The following OGDH variants were observed in gnomAD, a reference collection of about 807,000 sequenced individuals.
The protein encoded by OGDH is 2-oxoglutarate dehydrogenase complex component E1.
OGDH carries 38 observed loss-of-function variants against 116.6 expected under a neutral mutation model. The observed-to-expected ratio is 0.33, with a 90% CI of 0.25 to 0.43. The LOEUF (loss-of-function observed/expected upper bound fraction) is 0.43. Among genes scored for constraint, OGDH ranks in the 20% least tolerant of loss-of-function variants. The probability of loss-of-function intolerance (pLI) is 1.00; values close to 1 mark genes in which losing one functional copy is unlikely to be tolerated. For synonymous variants in OGDH, 488 were observed against 533.3 expected, an observed-to-expected ratio of 0.92 and a Z score of 1.17; for missense variants, 825 against 1,357.2, an observed-to-expected ratio of 0.61 and a Z score of 6.16.
At chr7:44,704,640 C>G (rs1377213528) in intron 20 of OGDH, among the ~76,000 whole-genome samples, 1 of 152,012 alleles carries the variant, frequency 6.6e-6, no homozygotes, top group Non-Finnish European at 1.5e-5. Flanking sequence ...TTCTCCCGTT[C>G]TATGGGTTGT....
At chr7:44,660,938 G>A (rs541981506) in intron 4 of OGDH, among the ~76,000 whole-genome samples, 5 of 150,508 alleles carry the variant, frequency 3.3e-5, no homozygotes, top group African/African-American at 1.0e-4. Context: ...ACACACGCGC[G>A]TGTGCACACA....
intron 2 of OGDH, among the ~76,000 whole-genome samples, chr7:44,644,945 G>C (rs1562635510): frequency 6.6e-6 from 1 of 152,202 alleles, no homozygotes; most frequent in Non-Finnish European, 1.5e-5. Flanking sequence ...GGGCCGGGGG[G>C]AAGGCTGAGA....
chr7:44,639,661 G>A (rs1785840681), intron 2 of OGDH, among the ~76,000 whole-genome samples: 1 of 152,174 alleles, frequency 6.6e-6, no homozygotes, highest in African/African-American at 2.4e-5. Flanking sequence ...TATACCTCCA[G>A]GTCTTGGCGC....
chr7:44,650,730 A>C (rs762073421), intron 4 of OGDH, among the ~76,000 whole-genome samples: 1 of 152,156 alleles, frequency 6.6e-6, no homozygotes, highest in Non-Finnish European at 1.5e-5. Context: ...AGGACTCTGT[A>C]TGGGGGATGT....
intron 4 of OGDH, among the ~76,000 whole-genome samples, chr7:44,656,844 A>G (rs1163125772): frequency 1.3e-5 from 2 of 152,200 alleles, no homozygotes; most frequent in Admixed American, 6.5e-5. Flanking sequence ...TGAAGTATTA[A>G]TAAAAACTTA....
Position 44,707,078 on chromosome 7 carries a change from G to A in OGDH, c.2633-147G>A. 2 of 749,714 alleles carry A rather than the reference G, an allele frequency of 2.7e-6. No individual in the cohort carries two copies. The highest frequency in any genetic ancestry group is 2.8e-5 in the Admixed American group (1 of 35,262). The allele number at this position is 749,714 out of a possible 1,614,324, so 46.4% of individuals were successfully genotyped here. A position where few individuals can be genotyped will look rare whatever the true frequency, so the allele number is the denominator to read the frequency against. ...AGTGTGCCTGGTCTGAGCAAATACA[G>A]GGCATCAGAGGCTGGTGAAGGGGAA... On this transcript the variant is annotated intron_variant, in intron 20 of 22. Transcript: ENST00000222673. The surrounding 1 kb of genome is among the most constrained non-coding windows in gnomAD (Gnocchi z 5.2).
At position 44,670,971 on chromosome 7, in the gene OGDH, A is replaced by G. The variant is rs1787416091; in HGVS notation, c.634-2816A>G. Among the ~76,000 whole-genome samples, 4 of 148,284 alleles carry G rather than the reference A, an allele frequency of 2.7e-5. No individual in the cohort carries two copies. In the South Asian group the frequency reaches 8.6e-4, roughly 32 times the overall value. On this transcript the variant is annotated intron_variant, in intron 5 of 22. Transcript: ENST00000222673. ...GCTTGCAATGAGCCGAGATCGTGCTACTGCACTCCAGCCTGGGCAACAGAG... is the reference window on the plus strand; with the variant it reads ...GCTTGCAATGAGCCGAGATCGTGCTGCTGCACTCCAGCCTGGGCAACAGAG...
rs1261487922 is a variant in OGDH at position 44,698,110 on chromosome 7, A to G, written c.2359-82A>G. 4.9e-6 allele frequency: 7 copies of G among 1,429,242 alleles called. No homozygotes were observed. In the African/African-American group the frequency reaches 5.1e-5, roughly 10 times the overall value. The allele number at this position is 1,429,242 out of a possible 1,614,324, so 88.5% of individuals were successfully genotyped here. A position where few individuals can be genotyped will look rare whatever the true frequency, so the allele number is the denominator to read the frequency against. ...GAAAAAAGATAACCAGAAATGAGCT[A>G]GTTGGTTGAGGAGGAACAGCAGATG... On this transcript the variant is annotated intron_variant, in intron 17 of 22. Transcript: ENST00000222673.
intron 4 of OGDH, chr7:44,656,266 A>G: frequency 6.5e-7 from 1 of 1,528,346 alleles, no homozygotes. Context: ...ACTAACTCTC[A>G]CCTGTCTTTT....
At chr7:44,622,000 T>C (rs573312820) in intron 1 of OGDH, among the ~76,000 whole-genome samples, 1 of 152,340 alleles carries the variant, frequency 6.6e-6, no homozygotes, top group Non-Finnish European at 1.5e-5. Flanking sequence ...GGGGCCACTT[T>C]GGGAAGAACA....
rs754623729 is a variant in OGDH, at chr7:44,697,805, C to T, written c.2358+23C>T. 6 of 1,605,426 alleles carry T rather than the reference C, an allele frequency of 3.7e-6. No individual in the cohort carries two copies. In the South Asian group the frequency reaches 6.7e-5, roughly 18 times the overall value. On this transcript the variant is annotated intron_variant, in intron 17 of 22. Transcript: ENST00000222673. This position sits in a 1 kb window ranked among gnomAD's most constrained non-coding sequence, Gnocchi z 6.0. ...ATGGTGAGCCTCTGGCCCTTCCCTGCCAGACCTAGGACTTGGGAAGGGCCT... is the reference window on the plus strand; with the variant it reads ...ATGGTGAGCCTCTGGCCCTTCCCTGTCAGACCTAGGACTTGGGAAGGGCCT...
At position 44,624,389 on chromosome 7, in the gene OGDH, G is replaced by A. The variant is rs762738061; in HGVS notation, c.46G>A (p.Ala16Thr). The change falls in exon 2 of 23, where the codon GCT (alanine) becomes ACT (threonine). Residue 16 changes from alanine to threonine, a missense_variant. Physicochemically the swap from Ala to Thr is moderately conservative, Grantham distance 58. Coordinates refer to ENST00000222673, the MANE Select transcript of OGDH (RefSeq NM_002541.4). ...TGCTGCTAAGTTGAGGCCATTGACG[G>A]CTTCCCAGACTGTTAAGACATTTTC... ...TCAAKLRPLTASQTVKTFSQN... is the reference protein window; with the variant it reads ...TCAAKLRPLTTSQTVKTFSQN... 6.2e-7 allele frequency: 1 copy of A among 1,610,578 alleles called. No individual in the cohort carries two copies. Among genetic ancestry groups the A allele is most frequent in the African/African-American group, 1.4e-5 (1 of 73,592 alleles).
At chr7:44,668,433 C>G (rs1445730907) in intron 5 of OGDH, among the ~76,000 whole-genome samples, 1 of 149,838 alleles carries the variant, frequency 6.7e-6, no homozygotes, top group Non-Finnish European at 1.5e-5. Context: ...AAGACTCCAT[C>G]TCAAAAACAA....
chr7:44,610,410 T>C (rs750306519), intron 1 of OGDH, among the ~76,000 whole-genome samples: 15 of 151,532 alleles, frequency 9.9e-5, no homozygotes, highest in Non-Finnish European at 1.8e-4. Flanking sequence ...TTCAAGCGAT[T>C]CTTCCGCCTC....
In OGDH at chr7:44,645,256, T is replaced by A; in HGVS notation, c.223-71T>A. 2.1e-6 allele frequency: 3 copies of A among 1,419,136 alleles called. No homozygotes were observed. In the South Asian group the frequency reaches 3.7e-5, roughly 18 times the overall value. The allele number at this position is 1,419,136 out of a possible 1,614,324, so 87.9% of individuals were successfully genotyped here. On this transcript the variant is annotated intron_variant, in intron 2 of 22. Transcript: ENST00000222673. ...ACTTGCCTTGCCTGCAGAGAGCAGT[T>A]CTCTGTGGCCACAGATGCATCCTGG...
intron 1 of OGDH, among the ~76,000 whole-genome samples, chr7:44,614,293 GGTTTTTTTT>G (rs1156887768): frequency 1.5e-3 from 209 of 143,640 alleles, no homozygotes; most frequent in African/African-American, 4.5e-3. Flanking sequence ...TCAAGGTTTT[GGTTTTTTTT>G]GTTTTTTTTG....
At chr7:44,687,310 T>C (rs1282127685) in intron 10 of OGDH, among the ~76,000 whole-genome samples, 3 of 150,944 alleles carry the variant, frequency 2.0e-5, no homozygotes, top group Non-Finnish European at 4.4e-5. Context: ...GTTGGCCAGA[T>C]TGGTCTTGAA....
chr7:44,706,705 C>G (rs575415651), intron 20 of OGDH, among the ~76,000 whole-genome samples: 1 of 150,360 alleles, frequency 6.7e-6, no homozygotes, highest in Admixed American at 6.7e-5. Context: ...ACTGCAACCT[C>G]TGCCTCCCGG....
intron 10 of OGDH, among the ~76,000 whole-genome samples, chr7:44,688,093 G>A (rs1788209204): frequency 6.6e-6 from 1 of 152,044 alleles, no homozygotes; most frequent in Non-Finnish European, 1.5e-5. Flanking sequence ...GCTGTGGGCT[G>A]GGCATGGTGG....
Sources: allele counts gnomAD v4.1 joint callset (sites outside exome capture counted in the v4.1 genomes callset), GRCh38; gene constraint gnomAD v4.1.1; non-coding constraint Gnocchi (gnomAD v3.1); transcripts MANE v1.5; gene names NCBI Gene and HGNC (gene_info 2026-07-23, HGNC 2026-07-21).